Variants in UBE2D3 observed in about 807,000 individuals in gnomAD.
The protein encoded by UBE2D3 is ubiquitin conjugating enzyme E2 D3.
UBE2D3 carries 2 observed loss-of-function variants against 22.8 expected under a neutral mutation model. The ratio of observed to expected loss-of-function variants is 0.09; its 90% CI spans 0.04 to 0.28. UBE2D3 has a LOEUF of 0.28. Among genes scored for constraint, UBE2D3 ranks in the 10% least tolerant of loss-of-function variants. UBE2D3 has a pLI of 1.00. For synonymous variants in UBE2D3, 56 were observed against 60.4 expected (o/e 0.93, Z 0.34); for missense variants, 27 against 182.5 (o/e 0.15, Z 4.91).
intron 2 of UBE2D3, among the ~76,000 whole-genome samples, chr4:102,818,479 T>C (rs565224097): frequency 1.5e-3 from 224 of 152,328 alleles, no homozygotes; most frequent in African/African-American, 5.1e-3. Flanking sequence ...CTTTCTAAGC[T>C]AGGTAAATGA....
At chr4:102,866,875 G>T (rs1733167604) in intron 1 of UBE2D3, among the ~76,000 whole-genome samples, 1 of 151,908 alleles carries the variant, frequency 6.6e-6, no homozygotes, top group Admixed American at 6.6e-5. Flanking sequence ...TGTACCCAAG[G>T]GTGCTTCTAC....
At chr4:102,851,294 C>A (rs897420485) in intron 1 of UBE2D3, among the ~76,000 whole-genome samples, 1 of 152,184 alleles carries the variant, frequency 6.6e-6, no homozygotes, top group Non-Finnish European at 1.5e-5. Context: ...TGTACAACTT[C>A]TTAGACTAGG....
chr4:102,817,812 G>C (rs989544763), intron 2 of UBE2D3, among the ~76,000 whole-genome samples: 1 of 152,176 alleles, frequency 6.6e-6, no homozygotes, highest in Admixed American at 6.5e-5. Context: ...CCCACAGCAA[G>C]ACTATTTACT....
chr4:102,823,551 G>A (rs1035343894), intron 2 of UBE2D3, among the ~76,000 whole-genome samples: 3 of 152,122 alleles, frequency 2.0e-5, no homozygotes, highest in Admixed American at 1.3e-4. Flanking sequence ...TATTCTTTTA[G>A]GCTTGGTTCA....
intron 1 of UBE2D3, among the ~76,000 whole-genome samples, chr4:102,864,536 A>T (rs778928632): frequency 6.6e-6 from 1 of 152,220 alleles, no homozygotes; most frequent in African/African-American, 2.4e-5. Context: ...GATGGTAAAG[A>T]CGATAATGAT....
rs72663164 is a variant in UBE2D3 at position 102,826,347 on chromosome 4, G to A, written c.24+138C>T. On this transcript the variant is annotated intron_variant, in intron 2 of 7. Coordinates refer to ENST00000453744, the MANE Select transcript of UBE2D3 (RefSeq NM_181891.3). Reference sequence around the variant, plus strand: ...CTTCATTTCTTCAAGAAGTATATCTGCGTTCTCCATCCCCCCATGGAAGAA... The same window carrying A: ...CTTCATTTCTTCAAGAAGTATATCTACGTTCTCCATCCCCCCATGGAAGAA... The A allele has an allele frequency of 5.7e-3, 6,317 of 1,098,858 alleles. 27 individuals are homozygous for A. Among genetic ancestry groups the A allele is most frequent in the Non-Finnish European group, 6.7e-3 (4,992 of 741,616 alleles). The allele number at this position is 1,098,858 out of a possible 1,614,324, so 68.1% of individuals were successfully genotyped here.
intron 1 of UBE2D3, among the ~76,000 whole-genome samples, chr4:102,833,617 G>A (rs1178537391): frequency 6.6e-6 from 1 of 152,198 alleles, no homozygotes; most frequent in Non-Finnish European, 1.5e-5. Context: ...ACCTAAAGTG[G>A]AATTTGTTGA....
chr4:102,854,011 G>C (rs1423958124), intron 1 of UBE2D3, among the ~76,000 whole-genome samples: 1 of 152,066 alleles, frequency 6.6e-6, no homozygotes, highest in East Asian at 1.9e-4. Context: ...AGACTAACTG[G>C]CATCTTATTA....
chr4:102,820,813 C>A (rs1311259897), intron 2 of UBE2D3, among the ~76,000 whole-genome samples: 1 of 152,052 alleles, frequency 6.6e-6, no homozygotes. Flanking sequence ...TACACATTAG[C>A]CATGAAATTA....
intron 2 of UBE2D3, among the ~76,000 whole-genome samples, chr4:102,815,098 C>T (rs2110297924): frequency 6.6e-6 from 1 of 152,180 alleles, no homozygotes; most frequent in African/African-American, 2.4e-5. Context: ...TGGTGGAGTA[C>T]AATGGCACAA....
chr4:102,832,050 A>G (rs925231865), upstream of UBE2D3, among the ~76,000 whole-genome samples: 5 of 152,336 alleles, frequency 3.3e-5, no homozygotes, highest in Non-Finnish European at 5.9e-5. Context: ...AACATCATAG[A>G]GTGGGTTCAG....
At chr4:102,837,722 C>T (rs972924948) in intron 1 of UBE2D3, among the ~76,000 whole-genome samples, 29 of 152,192 alleles carry the variant, frequency 1.9e-4, no homozygotes, top group Non-Finnish European at 3.8e-4. Flanking sequence ...GAGGCCAAGG[C>T]GGGCGGATCA....
chr4:102,855,542 T>C (rs1388538723), intron 1 of UBE2D3, among the ~76,000 whole-genome samples: 1 of 152,186 alleles, frequency 6.6e-6, no homozygotes, highest in Non-Finnish European at 1.5e-5. Flanking sequence ...TGCCTCAGCC[T>C]TCTTGCTAGC....
chr4:102,821,676 A>G (rs1262425576), intron 2 of UBE2D3, among the ~76,000 whole-genome samples: 1 of 152,148 alleles, frequency 6.6e-6, no homozygotes, highest in Non-Finnish European at 1.5e-5. Flanking sequence ...GGATTGTAAC[A>G]CAAAGGATAA....
chr4:102,809,655 A>G lies in UBE2D3; in HGVS notation c.120+17T>C. 3.2e-6 allele frequency: 5 copies of G among 1,585,408 alleles called. 1 individual carries two copies. Among genetic ancestry groups the G allele is most frequent in the Non-Finnish European group, 4.3e-6 (5 of 1,170,222 alleles). ...GATTTTCACTTAAAACTAAATTTAA[A>G]AATTCTTAATACTTACAGGTCCCAT... is the stretch of plus-strand genomic sequence containing the variant. On this transcript the variant is annotated intron_variant, in intron 4 of 7. Transcript: ENST00000453744.
In UBE2D3 at chr4:102,826,602, T is replaced by A. The variant is rs1435665819; in HGVS notation, c.-94A>T. ...TTATCCCGGCGGCGGGGCAGGATTGTCTCGTCTCACACCAGCTCTGCCAGA... is the reference window on the plus strand; with the variant it reads ...TTATCCCGGCGGCGGGGCAGGATTGACTCGTCTCACACCAGCTCTGCCAGA... On this transcript the variant is annotated 5_prime_UTR_variant, in exon 2 of 8. Transcript: ENST00000453744. 6.3e-7 allele frequency: 1 copy of A among 1,599,898 alleles called. No homozygotes were observed. The highest frequency in any genetic ancestry group is 8.5e-7 in the Non-Finnish European group (1 of 1,177,832).
intron 2 of UBE2D3, 75 bp downstream of exon 2, chr4:102,826,410 C>T: frequency 3.2e-6 from 5 of 1,576,634 alleles, no homozygotes; most frequent in Non-Finnish European, 4.3e-6. Context: ...TGCTTCCTTC[C>T]CACCCCCACG....
intron 7 of UBE2D3, chr4:102,798,993 C>A (rs1725692427): frequency 1.2e-6 from 2 of 1,603,828 alleles, no homozygotes; most frequent in Non-Finnish European, 1.7e-6. Flanking sequence ...TGAACAAGTA[C>A]ACTTAGCATT....
intron 2 of UBE2D3, among the ~76,000 whole-genome samples, chr4:102,819,789 C>T (rs1459707596): frequency 6.6e-6 from 1 of 152,162 alleles, no homozygotes; most frequent in Non-Finnish European, 1.5e-5. Context: ...GAGGACAGAA[C>T]GCAGTAGTAT....
Sources: gnomAD v4.1 joint callset for allele counts (sites outside exome capture counted in the v4.1 genomes callset) on GRCh38, gnomAD v4.1.1 for gene constraint, MANE v1.5 for transcripts, NCBI Gene and HGNC (gene_info 2026-07-23, HGNC 2026-07-21) for gene names.